The following CCAR1 variants were observed in gnomAD, a reference collection of about 807,000 sequenced individuals.
CCAR1 encodes cell division cycle and apoptosis regulator 1, also known as cell division cycle and apoptosis regulator protein 1.
CCAR1 carries 78 observed loss-of-function variants against 163.8 expected under a neutral mutation model. That is an observed-to-expected ratio of 0.48 (90% CI 0.40 to 0.57). The LOEUF is 0.57. Among genes scored for constraint, CCAR1 ranks in the 20% least tolerant of loss-of-function variants. CCAR1 has a pLI of 0.00. For synonymous variants in CCAR1, 443 were observed against 460.7 expected, an observed-to-expected ratio of 0.96 and a Z score of 0.49; for missense variants, 1,019 against 1,365.2, an observed-to-expected ratio of 0.75 and a Z score of 4.00.
intron 19 of CCAR1, among the ~76,000 whole-genome samples, chr10:68,773,632 C>T (rs1215830363): frequency 3.3e-5 from 5 of 151,674 alleles, no homozygotes; most frequent in Non-Finnish European, 5.9e-5. Flanking sequence ...TGCCATTGCA[C>T]TCCAGTCTGG....
At position 68,756,312 on chromosome 10, in the gene CCAR1, G is replaced by A. The variant is rs1564540532; in HGVS notation, c.1665G>A (p.Glu555=). 2 of 1,614,036 alleles carry A rather than the reference G, an allele frequency of 1.2e-6. No homozygotes were observed. The highest frequency in any genetic ancestry group is 1.1e-5 in the South Asian group (1 of 91,072). The change falls in exon 14 of 25, where the codon GAG becomes GAA. Residue 555 remains glutamate (E), a synonymous_variant. Coordinates refer to ENST00000265872, the MANE Select transcript of CCAR1 (RefSeq NM_018237.4). The surrounding 1 kb of genome is among the most constrained non-coding windows in gnomAD (Gnocchi z 5.1). ...AGATTCGCTACCATCGCCCTGAGGAGACCCACAAGGGGCGTACAGTTCCAG... is the reference window on the plus strand; with the variant it reads ...AGATTCGCTACCATCGCCCTGAGGAAACCCACAAGGGGCGTACAGTTCCAG... ...FAEIRYHRPE[E]THKGRTVPAH...
intron 24 of CCAR1, among the ~76,000 whole-genome samples, chr10:68,790,644 T>G (rs913974213): frequency 1.3e-5 from 2 of 152,032 alleles, no homozygotes; most frequent in African/African-American, 4.8e-5. Context: ...TCCTCCCACC[T>G]CAGCCTCCTG....
chr10:68,750,470 C>T (rs2056317333), intron 10 of CCAR1, among the ~76,000 whole-genome samples: 1 of 152,130 alleles, frequency 6.6e-6, no homozygotes, highest in Non-Finnish European at 1.5e-5. Flanking sequence ...AGTGATCCAC[C>T]TGCCTGGCCC....
chr10:68,761,662 G>A (rs933905432), intron 16 of CCAR1, among the ~76,000 whole-genome samples: 2 of 151,636 alleles, frequency 1.3e-5, no homozygotes, highest in African/African-American at 4.9e-5. Flanking sequence ...GAGTGCAATG[G>A]CACGATCTTG....
rs768636709 is a variant in CCAR1 at position 68,737,932 on chromosome 10, C to A, written c.291+43C>A. ...GTGTTAAAAACTGATTTTAAAATAG[C>A]CATTTGCTCCAAAGTTCAATTGATA... On this transcript the variant is annotated intron_variant, in intron 4 of 24. Coordinates refer to ENST00000265872, the MANE Select transcript of CCAR1 (RefSeq NM_018237.4). 27 of 1,272,266 alleles carry A rather than the reference C, an allele frequency of 2.1e-5. No individual in the cohort carries two copies. In the South Asian group the frequency reaches 3.1e-4, roughly 14 times the overall value. 78.8% of individuals were successfully genotyped at this position (1,272,266 alleles called of 1,614,324 possible).
intron 5 of CCAR1, among the ~76,000 whole-genome samples, chr10:68,741,604 T>C (rs548200463): frequency 1.1e-4 from 17 of 152,326 alleles, no homozygotes; most frequent in Non-Finnish European, 1.9e-4. Flanking sequence ...CCTCTTTGTA[T>C]ACTGATATGG....
chr10:68,764,700 A>G (rs767789327), intron 16 of CCAR1, among the ~76,000 whole-genome samples: 2 of 152,210 alleles, frequency 1.3e-5, no homozygotes, highest in African/African-American at 4.8e-5. Flanking sequence ...TGCTACAGAT[A>G]GGGTCAGATA....
rs969060429 is a variant in CCAR1, at chr10:68,756,134, C to T, written c.1626-139C>T. 6.5e-6 allele frequency: 4 copies of T among 616,222 alleles called. No homozygotes were observed. The African/African-American group carries it at 7.4e-5, about 11-fold the overall frequency. The allele number at this position is 616,222 out of a possible 1,614,324, so 38.2% of individuals were successfully genotyped here. ...AAATGTACCAAAAGAGGAACTATGG[C>T]TTCTATAATTTTTTTTTCTTTAGAC... On this transcript the variant is annotated intron_variant, in intron 13 of 24. Coordinates refer to ENST00000265872, the MANE Select transcript of CCAR1 (RefSeq NM_018237.4). This position sits in a 1 kb window ranked among gnomAD's most constrained non-coding sequence, Gnocchi z 5.1.
At chr10:68,768,156 G>A (rs2056557937) in intron 17 of CCAR1, among the ~76,000 whole-genome samples, 1 of 152,206 alleles carries the variant, frequency 6.6e-6, no homozygotes, top group South Asian at 2.1e-4. Context: ...GATTACTGAG[G>A]CAATTATGAA....
intron 10 of CCAR1, among the ~76,000 whole-genome samples, chr10:68,750,243 T>C (rs1361886296): frequency 2.0e-5 from 3 of 148,070 alleles, no homozygotes; most frequent in African/African-American, 7.5e-5. Context: ...TGAGATAGGG[T>C]CTTACTCTTT....
At chr10:68,749,734 A>C in intron 10 of CCAR1, 49 bp downstream of exon 10, 2 of 1,461,690 alleles carry the variant, frequency 1.4e-6, no homozygotes, top group Non-Finnish European at 9.5e-7. Flanking sequence ...ATTTCATATA[A>C]TTTGATAGAA....
intron 2 of CCAR1, among the ~76,000 whole-genome samples, chr10:68,732,393 A>G (rs1289474810): frequency 6.6e-6 from 1 of 152,086 alleles, no homozygotes; most frequent in Non-Finnish European, 1.5e-5. Context: ...TCTGTCACCC[A>G]GGCTGTAGTG....
intron 16 of CCAR1, among the ~76,000 whole-genome samples, chr10:68,765,265 TTAAAA>T (rs2056522477): frequency 6.6e-6 from 1 of 152,182 alleles, no homozygotes; most frequent in African/African-American, 2.4e-5. Context: ...TCTTCAGATC[TTAAAA>T]TAAATTCTCC....
intron 10 of CCAR1, among the ~76,000 whole-genome samples, chr10:68,752,899 GA>G (rs2056350773): frequency 1.4e-5 from 2 of 145,074 alleles, no homozygotes; most frequent in Admixed American, 1.4e-4. Context: ...TAGATAGATA[GA>G]TAGATAGATA....
At chr10:68,757,757 A>G (rs958066695) in intron 15 of CCAR1, among the ~76,000 whole-genome samples, 1 of 151,580 alleles carries the variant, frequency 6.6e-6, no homozygotes, top group Non-Finnish European at 1.5e-5. Context: ...CAATTTTATA[A>G]ATCAGTACAG....
At chr10:68,768,307 T>G (rs1224223451) in intron 17 of CCAR1, among the ~76,000 whole-genome samples, 4 of 152,092 alleles carry the variant, frequency 2.6e-5, no homozygotes, top group African/African-American at 9.7e-5. Flanking sequence ...ATGTTATCTT[T>G]TTTTTTTTAA....
At chr10:68,758,619 A>ATATATATGTATATATACACACGTG (rs1564541691) in intron 15 of CCAR1, among the ~76,000 whole-genome samples, 12 of 112,138 alleles carry the variant, frequency 1.1e-4, no homozygotes, top group African/African-American at 3.0e-4. Context: ...GTGTGTGTAT[A>ATATATATGTATATATACACACGTG]TATATATATA....
intron 19 of CCAR1, among the ~76,000 whole-genome samples, chr10:68,780,835 A>G (rs979423317): frequency 3.9e-5 from 6 of 152,172 alleles, no homozygotes; most frequent in Non-Finnish European, 8.8e-5. Flanking sequence ...GACGAGCTTA[A>G]TTATAAATAT....
chr10:68,755,225 A>G lies in CCAR1; in HGVS notation c.1459-145A>G, dbSNP rs1211556379. On this transcript the variant is annotated intron_variant, in intron 12 of 24. Transcript: ENST00000265872. ...ATTGCTGAAATGCAGTGTGGAACAC[A>G]ATGAACTGAACTCTTCCTTGACTGA... The G allele has an allele frequency of 3.7e-6, 3 of 800,042 alleles. No individual in the cohort carries two copies. The African/African-American group carries it at 5.0e-5, about 13-fold the overall frequency. The allele number at this position is 800,042 out of a possible 1,614,324, so 49.6% of individuals were successfully genotyped here.
Sources: allele counts gnomAD v4.1 joint callset (sites outside exome capture counted in the v4.1 genomes callset), GRCh38; gene constraint gnomAD v4.1.1; non-coding constraint Gnocchi (gnomAD v3.1); transcripts MANE v1.5; gene names NCBI Gene and HGNC (gene_info 2026-07-23, HGNC 2026-07-21).